Variants in EEPD1 observed in about 807,000 individuals in gnomAD.
EEPD1 encodes endonuclease/exonuclease/phosphatase family domain-containing protein 1.
EEPD1 carries 17 observed loss-of-function variants against 46.3 expected under a neutral mutation model. The ratio of observed to expected loss-of-function variants is 0.37; its 90% confidence interval spans 0.25 to 0.55. The LOEUF (loss-of-function observed/expected upper bound fraction) is 0.55. Among genes scored for constraint, EEPD1 ranks in the 20% least tolerant of loss-of-function variants. The probability of loss-of-function intolerance (pLI) is 0.83; values close to 1 mark genes in which losing one functional copy is unlikely to be tolerated. For synonymous variants in EEPD1, 313 were observed against 315.6 expected, an observed-to-expected ratio of 0.99 and a Z score of 0.09; for missense variants, 673 against 745.6, an observed-to-expected ratio of 0.90 and a Z score of 1.13.
At position 36,182,378 on chromosome 7, in the gene EEPD1, A is replaced by C. The variant is rs535318530; in HGVS notation, c.878+27176A>C. Among the ~76,000 whole-genome samples, 406 of 152,378 alleles carry C rather than the reference A, an allele frequency of 2.7e-3. 1 individual carries two copies. Among genetic ancestry groups the C allele is most frequent in the African/African-American group, 9.3e-3 (388 of 41,592 alleles). On this transcript the variant is annotated intron_variant, in intron 2 of 7. Transcript: ENST00000242108. ...CAAAGAGCCAACACAATGGCAGTCC[A>C]TGGTGGGGGCACGGGGAGGGCTGGG... is the stretch of plus-strand genomic sequence containing the variant.
chr7:36,185,291 G>A (rs1785345766), intron 2 of EEPD1, among the ~76,000 whole-genome samples: 1 of 152,136 alleles, frequency 6.6e-6, no homozygotes, highest in African/African-American at 2.4e-5. Context: ...TCAACCTCTG[G>A]TTCCTGAGGC....
At chr7:36,172,475 C>T (rs1333897159) in intron 2 of EEPD1, among the ~76,000 whole-genome samples, 1 of 152,178 alleles carries the variant, frequency 6.6e-6, no homozygotes, top group East Asian at 1.9e-4. Context: ...CGTACCTTGC[C>T]CTATGCATCC....
intron 2 of EEPD1, among the ~76,000 whole-genome samples, chr7:36,236,023 C>G (rs1464350266): frequency 6.6e-6 from 1 of 151,696 alleles, no homozygotes; most frequent in Non-Finnish European, 1.5e-5. Context: ...CTCCCGGGCT[C>G]AAGAAATTCT....
chr7:36,198,188 TGTGTGTTTTGAGAAAAATGGGCAACA>T (rs1785642214), intron 2 of EEPD1, among the ~76,000 whole-genome samples: 1 of 151,768 alleles, frequency 6.6e-6, no homozygotes, highest in Non-Finnish European at 1.5e-5. Flanking sequence ...AAGAAAAGTT[TGTGTGTTTTGAGAAAAATGGGCAACA>T]GTGTGGGAGA....
chr7:36,266,930 C>G (rs1471081787), intron 3 of EEPD1, among the ~76,000 whole-genome samples: 1 of 152,206 alleles, frequency 6.6e-6, no homozygotes, highest in Non-Finnish European at 1.5e-5. Flanking sequence ...CTGAGTAATA[C>G]TTTCTTGCAT....
At chr7:36,165,104 G>A in intron 2 of EEPD1, among the ~76,000 whole-genome samples, 1 of 152,184 alleles carries the variant, frequency 6.6e-6, no homozygotes, top group Non-Finnish European at 1.5e-5. Flanking sequence ...CTACAGTAGT[G>A]TACAGTCATG....
chr7:36,158,423 TAGC>T (rs1461296832), intron 2 of EEPD1, among the ~76,000 whole-genome samples: 4 of 152,214 alleles, frequency 2.6e-5, no homozygotes, highest in Non-Finnish European at 4.4e-5. Context: ...GCAAAGGGAA[TAGC>T]TGGCTGTGAA....
intron 3 of EEPD1, among the ~76,000 whole-genome samples, chr7:36,275,696 G>A (rs1403290075): frequency 2.0e-5 from 3 of 152,140 alleles, no homozygotes; most frequent in Non-Finnish European, 2.9e-5. Flanking sequence ...TCCTGACCTC[G>A]TGATCCACCC....
chr7:36,194,831 A>G (rs1202426081), intron 2 of EEPD1, among the ~76,000 whole-genome samples: 2 of 152,194 alleles, frequency 1.3e-5, no homozygotes, highest in African/African-American at 2.4e-5. Context: ...TCAGAAATCC[A>G]TATGTCCCTG....
chr7:36,275,548 G>T (rs1422816986), intron 3 of EEPD1, among the ~76,000 whole-genome samples: 2 of 152,168 alleles, frequency 1.3e-5, no homozygotes, highest in Non-Finnish European at 2.9e-5. Flanking sequence ...CCAGGTTCAA[G>T]CGAGTCTCCT....
intron 4 of EEPD1, 136 bp from the exon 5 acceptor site, chr7:36,284,550 G>A (rs552071123): frequency 1.5e-5 from 16 of 1,072,118 alleles, no homozygotes; most frequent in Middle Eastern, 3.3e-4. Context: ...TGGCTTTCGT[G>A]GTGTGCTTTT....
At chr7:36,269,240 G>A (rs1466109138) in intron 3 of EEPD1, among the ~76,000 whole-genome samples, 2 of 152,104 alleles carry the variant, frequency 1.3e-5, no homozygotes, top group Non-Finnish European at 2.9e-5. Flanking sequence ...ATTCTCTAAA[G>A]AACCACTTTA....
At chr7:36,165,960 A>G (rs919676261) in intron 2 of EEPD1, among the ~76,000 whole-genome samples, 8 of 152,224 alleles carry the variant, frequency 5.3e-5, no homozygotes, top group African/African-American at 1.7e-4. Flanking sequence ...TTCTTCAGCA[A>G]TGCAGATGAA....
chr7:36,224,247 T>G (rs901244096), intron 2 of EEPD1, among the ~76,000 whole-genome samples: 2 of 152,240 alleles, frequency 1.3e-5, no homozygotes, highest in Non-Finnish European at 2.9e-5. Flanking sequence ...TCATCACCCC[T>G]GTTCAGTGGG....
chr7:36,216,071 T>C (rs2540673), intron 2 of EEPD1, among the ~76,000 whole-genome samples: 129,170 of 152,126 alleles, frequency 0.85, 55,428 homozygotes, highest in Non-Finnish European at 0.91. Context: ...TGGGCCCCCA[T>C]ATAAAACCTT....
chr7:36,271,391 G>A (rs1787099561), intron 3 of EEPD1, among the ~76,000 whole-genome samples: 1 of 152,062 alleles, frequency 6.6e-6, no homozygotes, highest in Non-Finnish European at 1.5e-5. Flanking sequence ...TATGTTTGTT[G>A]GCCGCATAAA....
At chr7:36,272,335 G>T (rs1787121678) in intron 3 of EEPD1, among the ~76,000 whole-genome samples, 1 of 152,102 alleles carries the variant, frequency 6.6e-6, no homozygotes, top group Non-Finnish European at 1.5e-5. Context: ...TGAAGATGAC[G>T]CTGATGACAA....
chr7:36,242,768 C>G (rs989656372), intron 3 of EEPD1, among the ~76,000 whole-genome samples: 14 of 85,366 alleles, frequency 1.6e-4, no homozygotes, highest in African/African-American at 7.0e-4. Context: ...AATAAAAATA[C>G]AAAAAAAAAA....
intron 3 of EEPD1, among the ~76,000 whole-genome samples, chr7:36,270,237 T>C (rs184106733): frequency 1.1e-3 from 161 of 152,348 alleles, no homozygotes; most frequent in Admixed American, 3.6e-3. Context: ...TTATACTTAA[T>C]TTTTTTCTGA....
Sources: gnomAD v4.1 joint callset for allele counts (sites outside exome capture counted in the v4.1 genomes callset) on GRCh38, gnomAD v4.1.1 for gene constraint, MANE v1.5 for transcripts, NCBI Gene and HGNC (gene_info 2026-07-23, HGNC 2026-07-21) for gene names.